LRRTM4: variants seen among roughly 807,000 people sequenced by gnomAD.
LRRTM4 encodes the protein leucine rich repeat transmembrane neuronal 4.
Under a neutral mutation model 47.6 loss-of-function variants are expected in LRRTM4, and 25 were observed. That is an observed-to-expected ratio of 0.53 (90% CI 0.38 to 0.73). The LOEUF (loss-of-function observed/expected upper bound fraction) is 0.73, where lower values mean the gene tolerates loss of function less well. LRRTM4 is among the 30% of genes least tolerant of loss of function. The pLI, the probability that LRRTM4 is intolerant of heterozygous loss-of-function variation, is 0.00. For synonymous variants in LRRTM4, 311 were observed against 269.5 expected (o/e 1.15, Z -1.51); for missense variants, 638 against 713.4 (o/e 0.89, Z 1.20).
At chr2:77,230,804 C>G (rs568552667) in intron 3 of LRRTM4, among the ~76,000 whole-genome samples, 68 of 152,096 alleles carry the variant, frequency 4.5e-4, no homozygotes, top group Middle Eastern at 6.8e-3. Context: ...CAGAACTTAT[C>G]TTTAATATAC....
At chr2:77,480,839 G>T (rs1677670553) in intron 3 of LRRTM4, among the ~76,000 whole-genome samples, 18 of 41,066 alleles carry the variant, frequency 4.4e-4, no homozygotes, top group Non-Finnish European at 9.0e-4. Flanking sequence ...GAGAGAGAGA[G>T]AGAGAGAGAG....
intron 3 of LRRTM4, among the ~76,000 whole-genome samples, chr2:77,326,072 G>T (rs949036728): frequency 1.3e-5 from 2 of 152,156 alleles, no homozygotes; most frequent in African/African-American, 4.8e-5. Context: ...TTATCTGGAG[G>T]AAAGGAGCCA....
rs111634333 is a variant in LRRTM4 at position 76,762,151 on chromosome 2, G to C, written c.1552-13235C>G. On this transcript the variant is annotated intron_variant, in intron 3 of 3. Transcript: ENST00000409884. ...CCATGCTCCAGTATGTACCCTCATG[G>C]TCACATGCTTGCACTTCTCCATCAC... Among the ~76,000 whole-genome samples the C allele has an allele frequency of 2.0e-4, 30 of 152,200 alleles. 1 individual carries two copies. The highest frequency in any genetic ancestry group is 6.7e-4 in the African/African-American group (28 of 41,524).
At chr2:76,751,670 A>G (rs2104053256) in intron 3 of LRRTM4, among the ~76,000 whole-genome samples, 1 of 152,232 alleles carries the variant, frequency 6.6e-6, no homozygotes, top group Middle Eastern at 3.4e-3. Context: ...GTTCAGACGT[A>G]AAATGTTTGC....
chr2:77,192,644 TTTAA>T (rs931252499), intron 3 of LRRTM4, among the ~76,000 whole-genome samples: 20 of 152,292 alleles, frequency 1.3e-4, no homozygotes, highest in African/African-American at 4.6e-4. Context: ...TCCAAATTAA[TTTAA>T]TTTTCTCCCC....
intron 3 of LRRTM4, among the ~76,000 whole-genome samples, chr2:77,283,892 T>C (rs1270885024): frequency 3.9e-5 from 6 of 151,916 alleles, no homozygotes; most frequent in African/African-American, 1.5e-4. Context: ...ACCTGAGTGA[T>C]GGGGTCATTT....
chr2:77,110,140 G>A (rs901673926), intron 3 of LRRTM4, among the ~76,000 whole-genome samples: 2 of 152,112 alleles, frequency 1.3e-5, no homozygotes, highest in Admixed American at 1.3e-4. Flanking sequence ...GGATAAAAAA[G>A]TGAAATCTAA....
intron 3 of LRRTM4, among the ~76,000 whole-genome samples, chr2:77,349,383 C>T (rs888536660): frequency 3.3e-5 from 5 of 151,392 alleles, no homozygotes; most frequent in Non-Finnish European, 5.9e-5. Flanking sequence ...TACGAAAAGT[C>T]TAGAAGAAAT....
intron 3 of LRRTM4, among the ~76,000 whole-genome samples, chr2:76,969,575 T>A (rs1412316040): frequency 6.6e-6 from 1 of 151,892 alleles, no homozygotes; most frequent in South Asian, 2.1e-4. Flanking sequence ...GTTGCATCAA[T>A]CTAATGCATG....
chr2:76,871,330 A>G (rs1295405339), intron 3 of LRRTM4, among the ~76,000 whole-genome samples: 3 of 152,168 alleles, frequency 2.0e-5, no homozygotes, highest in African/African-American at 7.2e-5. Flanking sequence ...TAATGGAAAG[A>G]GCATAAATGG....
At chr2:77,142,861 C>A (rs1672160036) in intron 3 of LRRTM4, among the ~76,000 whole-genome samples, 1 of 152,096 alleles carries the variant, frequency 6.6e-6, no homozygotes. Flanking sequence ...ACATAAGAAA[C>A]CTGAGTAACA....
intron 3 of LRRTM4, among the ~76,000 whole-genome samples, chr2:77,250,929 C>A (rs1675584714): frequency 1.3e-5 from 2 of 151,900 alleles, no homozygotes. Context: ...CATGGAGAAA[C>A]CCCATCTCTA....
chr2:77,149,282 G>C (rs1218498449), intron 3 of LRRTM4, among the ~76,000 whole-genome samples: 2 of 151,770 alleles, frequency 1.3e-5, no homozygotes, highest in African/African-American at 4.8e-5. Context: ...GACATATTGA[G>C]CTAAATAAAA....
At chr2:77,442,334 A>G (rs1335276274) in intron 3 of LRRTM4, among the ~76,000 whole-genome samples, 2 of 152,196 alleles carry the variant, frequency 1.3e-5, no homozygotes, top group Non-Finnish European at 2.9e-5. Flanking sequence ...TTTTCTTTCT[A>G]AGGAGTATAT....
intron 3 of LRRTM4, among the ~76,000 whole-genome samples, chr2:77,146,611 C>T (rs1573008353): frequency 1.3e-5 from 2 of 152,132 alleles, no homozygotes; most frequent in Middle Eastern, 3.4e-3. Flanking sequence ...TTCATTGTTG[C>T]CAAATTCTTT....
intron 3 of LRRTM4, among the ~76,000 whole-genome samples, chr2:76,781,344 C>T (rs1381636262): frequency 6.6e-6 from 1 of 151,700 alleles, no homozygotes; most frequent in Non-Finnish European, 1.5e-5. Context: ...GGGCACCCCT[C>T]CCCCAGCCTG....
chr2:77,030,422 G>C (rs933157408), intron 3 of LRRTM4, among the ~76,000 whole-genome samples: 1 of 152,132 alleles, frequency 6.6e-6, no homozygotes, highest in Non-Finnish European at 1.5e-5. Flanking sequence ...TACAGAGCGA[G>C]GCTCCAACTC....
intron 3 of LRRTM4, among the ~76,000 whole-genome samples, chr2:77,339,889 T>C (rs992080315): frequency 6.6e-6 from 1 of 151,942 alleles, no homozygotes; most frequent in African/African-American, 2.4e-5. Context: ...TCCTCTGCAA[T>C]GCATGTTGCT....
intron 3 of LRRTM4, among the ~76,000 whole-genome samples, chr2:76,815,581 T>C (rs872174): frequency 0.47 from 71,093 of 151,942 alleles, 17,975 homozygotes; most frequent in East Asian, 0.73. Flanking sequence ...AAAGTCATAG[T>C]TGTAGTAATA....
Sources: gnomAD v4.1 joint callset for allele counts (sites outside exome capture counted in the v4.1 genomes callset) on GRCh38, gnomAD v4.1.1 for gene constraint, MANE v1.5 for transcripts, NCBI Gene and HGNC (gene_info 2026-07-23, HGNC 2026-07-21) for gene names.